The following C10orf90 variants were observed in gnomAD, a reference collection of about 807,000 sequenced individuals.
C10orf90 encodes (E2-independent) E3 ubiquitin-conjugating enzyme FATS.
Under a neutral mutation model 62.5 loss-of-function variants are expected in C10orf90, and 56 were observed. The observed-to-expected ratio is 0.90, with a 90% CI of 0.72 to 1.12. The LOEUF (loss-of-function observed/expected upper bound fraction) is 1.12. Ranked by LOEUF, C10orf90 falls within the 50% of genes most tolerant of loss-of-function variation. The probability of loss-of-function intolerance (pLI) is 0.00; values close to 1 mark genes in which losing one functional copy is unlikely to be tolerated. For synonymous variants in C10orf90, 386 were observed against 340.4 expected, an observed-to-expected ratio of 1.13 and a Z score of -1.47; for missense variants, 970 against 880.4, an observed-to-expected ratio of 1.10 and a Z score of -1.29.
chr10:126,628,285 G>A (rs1164583587), intron 2 of C10orf90, among the ~76,000 whole-genome samples: 1 of 152,124 alleles, frequency 6.6e-6, no homozygotes, highest in African/African-American at 2.4e-5. Flanking sequence ...AAAATGCCAA[G>A]GCCTATGTCT....
intron 4 of C10orf90, among the ~76,000 whole-genome samples, chr10:126,491,371 A>G (rs766313836): frequency 1.1e-4 from 16 of 152,224 alleles, no homozygotes; most frequent in Non-Finnish European, 1.8e-4. Flanking sequence ...AATCATCTAT[A>G]TCTAATTGTG....
chr10:126,503,638 T>C (rs914481075), intron 4 of C10orf90, among the ~76,000 whole-genome samples: 10 of 152,192 alleles, frequency 6.6e-5, no homozygotes, highest in African/African-American at 2.2e-4. Context: ...CACCCTCTTT[T>C]GGAACGCAAT....
At chr10:126,517,656 A>AT (rs1863511549) in intron 2 of C10orf90, among the ~76,000 whole-genome samples, 1 of 152,172 alleles carries the variant, frequency 6.6e-6, no homozygotes, top group Non-Finnish European at 1.5e-5. Flanking sequence ...TCACACCTGT[A>AT]ATTCCAGCAC....
intron 2 of C10orf90, among the ~76,000 whole-genome samples, chr10:126,562,207 A>G (rs1159552818): frequency 2.6e-5 from 4 of 152,076 alleles, no homozygotes; most frequent in Non-Finnish European, 5.9e-5. Flanking sequence ...CCCTCATCTC[A>G]CTGCTGCGTG....
At chr10:126,458,652 T>C (rs1487544474) in intron 7 of C10orf90, among the ~76,000 whole-genome samples, 1 of 152,186 alleles carries the variant, frequency 6.6e-6, no homozygotes, top group East Asian at 1.9e-4. Flanking sequence ...AATGTTGATA[T>C]AGACAAGCTG....
chr10:126,545,523 G>A (rs1190816442), intron 2 of C10orf90, among the ~76,000 whole-genome samples: 1 of 151,882 alleles, frequency 6.6e-6, no homozygotes, highest in Non-Finnish European at 1.5e-5. Context: ...GGCTACTTCA[G>A]GCTTACTCTA....
chr10:126,468,403 T>C (rs1483160730), intron 4 of C10orf90, among the ~76,000 whole-genome samples: 1 of 152,196 alleles, frequency 6.6e-6, no homozygotes, highest in Non-Finnish European at 1.5e-5. Context: ...CATCATTGTA[T>C]CTGTTAGATA....
chr10:126,509,588 G>A (rs770752995), intron 3 of C10orf90, among the ~76,000 whole-genome samples: 7 of 152,120 alleles, frequency 4.6e-5, no homozygotes, highest in South Asian at 2.1e-4. Context: ...ATACAGTCAC[G>A]GTCAAACTCT....
chr10:126,653,199 A>C (rs1846325335), intron 1 of C10orf90, among the ~76,000 whole-genome samples: 2 of 152,186 alleles, frequency 1.3e-5, no homozygotes, highest in Admixed American at 6.5e-5. Context: ...GCAATTCCTT[A>C]AAATGAGACA....
chr10:126,669,913 T>G (rs1846713081), intron 1 of C10orf90, among the ~76,000 whole-genome samples: 1 of 152,188 alleles, frequency 6.6e-6, no homozygotes, highest in Non-Finnish European at 1.5e-5. Context: ...CTAAGAATAT[T>G]TAACTCACAG....
chr10:126,613,062 G>T (rs1025598009), intron 2 of C10orf90, among the ~76,000 whole-genome samples: 4 of 152,054 alleles, frequency 2.6e-5, no homozygotes, highest in African/African-American at 9.7e-5. Context: ...TATTCAAGCA[G>T]TATATTCATT....
chr10:126,639,845 G>A (rs1419298231), intron 2 of C10orf90, among the ~76,000 whole-genome samples: 2 of 152,242 alleles, frequency 1.3e-5, no homozygotes, highest in Non-Finnish European at 2.9e-5. Flanking sequence ...GGCCAAATTA[G>A]AGCAGAAACT....
chr10:126,506,504 G>A (rs1862741075), intron 3 of C10orf90, among the ~76,000 whole-genome samples: 1 of 152,238 alleles, frequency 6.6e-6, no homozygotes, highest in Non-Finnish European at 1.5e-5. Flanking sequence ...ATAACTGGAT[G>A]CCCAACAATT....
At chr10:126,429,346 C>G (rs1443604286) in intron 8 of C10orf90, among the ~76,000 whole-genome samples, 1 of 152,148 alleles carries the variant, frequency 6.6e-6, no homozygotes, top group Admixed American at 6.5e-5. Flanking sequence ...CACTGGCTCC[C>G]AGGTGCCATC....
intron 7 of C10orf90, among the ~76,000 whole-genome samples, chr10:126,443,100 CA>C (rs1213948017): frequency 6.6e-6 from 1 of 151,930 alleles, no homozygotes; most frequent in Non-Finnish European, 1.5e-5. Context: ...TCACACACCT[CA>C]AGGAACTAGA....
intron 2 of C10orf90, among the ~76,000 whole-genome samples, chr10:126,593,903 C>G (rs1174415683): frequency 6.6e-6 from 1 of 151,890 alleles, no homozygotes; most frequent in Non-Finnish European, 1.5e-5. Flanking sequence ...TATCGTCTGC[C>G]ATAATCCTGC....
chr10:126,490,037 T>TATATTATGTTATATAATATATA (rs1861660934), intron 4 of C10orf90, among the ~76,000 whole-genome samples: 1 of 112,540 alleles, frequency 8.9e-6, no homozygotes, highest in Non-Finnish European at 1.7e-5. Flanking sequence ...TAATATATAA[T>TATATTATGTTATATAATATATA]ATATATTATA....
intron 8 of C10orf90, among the ~76,000 whole-genome samples, chr10:126,429,188 C>T (rs533524006): frequency 3.7e-4 from 56 of 152,182 alleles, no homozygotes; most frequent in Non-Finnish European, 5.3e-4. Flanking sequence ...GAATGGCAGC[C>T]TTTGTGTGCA....
At chr10:126,508,820 G>A (rs1017744260) in intron 3 of C10orf90, among the ~76,000 whole-genome samples, 2 of 152,188 alleles carry the variant, frequency 1.3e-5, no homozygotes, top group Non-Finnish European at 2.9e-5. Context: ...AGTATCAAGA[G>A]AGTACCTACT....
Sources: allele counts gnomAD v4.1 joint callset (sites outside exome capture counted in the v4.1 genomes callset), GRCh38; gene constraint gnomAD v4.1.1; transcripts MANE v1.5; gene names NCBI Gene and HGNC (gene_info 2026-07-23, HGNC 2026-07-21).